Variants in C16orf96 observed in about 807,000 individuals in gnomAD.
C16orf96 encodes the protein uncharacterized protein C16orf96.
A neutral mutation model predicts 103.6 loss-of-function variants in C16orf96; 108 were observed. The ratio of observed to expected loss-of-function variants is 1.04; its 90% CI spans 0.89 to 1.22. The LOEUF (loss-of-function observed/expected upper bound fraction) is 1.22. Ranked by LOEUF, C16orf96 falls within the 50% of genes most tolerant of loss-of-function variation. C16orf96 has a pLI of 0.00. For synonymous variants in C16orf96, 566 were observed against 593.5 expected, an observed-to-expected ratio of 0.95 and a Z score of 0.67; for missense variants, 1,586 against 1,464.2, an observed-to-expected ratio of 1.08 and a Z score of -1.36.
At chr16:4,591,173 C>A (rs1455169643) in intron 9 of C16orf96, among the ~76,000 whole-genome samples, 1 of 152,026 alleles carries the variant, frequency 6.6e-6, no homozygotes, top group African/African-American at 2.4e-5. Context: ...GGCAACAGAG[C>A]GAGACTCTGT....
At chr16:4,563,317 T>G (rs1405490188) in intron 1 of C16orf96, among the ~76,000 whole-genome samples, 1 of 152,120 alleles carries the variant, frequency 6.6e-6, no homozygotes, top group Non-Finnish European at 1.5e-5. Flanking sequence ...TGGCTCGATC[T>G]CAGCTCACTG....
intron 6 of C16orf96, among the ~76,000 whole-genome samples, 182 bp downstream of exon 6, chr16:4,579,207 G>A (rs931056314): frequency 6.6e-6 from 1 of 152,070 alleles, no homozygotes; most frequent in African/African-American, 2.4e-5. Context: ...GGTGCGGTGG[G>A]GGGGCCCAGC....
intron 9 of C16orf96, 45 bp downstream of exon 9, chr16:4,588,376 A>G: frequency 6.6e-7 from 1 of 1,516,710 alleles, no homozygotes; most frequent in African/African-American, 1.4e-5. Flanking sequence ...TAACAAATTA[A>G]CCCAGAACTT....
intron 7 of C16orf96, among the ~76,000 whole-genome samples, chr16:4,581,589 C>T (rs997502645): frequency 7.9e-5 from 12 of 151,892 alleles, no homozygotes; most frequent in Non-Finnish European, 1.6e-4. Context: ...GCCGAGATCC[C>T]ACCACTGCAC....
At chr16:4,586,966 T>C (rs903193205) in intron 7 of C16orf96, 73 bp from the exon 8 acceptor site, 1 of 1,341,648 alleles carries the variant, frequency 7.5e-7, no homozygotes, top group Non-Finnish European at 1.0e-6. Context: ...ATGGTAATGG[T>C]AGAGGTGGGA....
At chr16:4,591,909 G>A in intron 10 of C16orf96, 125 bp downstream of exon 10, 1 of 792,132 alleles carries the variant, frequency 1.3e-6, no homozygotes, top group Non-Finnish European at 2.1e-6. Context: ...CTTGGCTGTG[G>A]CTGAAAGCAC....
the C16orf96 span, among the ~76,000 whole-genome samples, chr16:4,549,257 A>G: frequency 6.6e-5 from 10 of 151,964 alleles, no homozygotes; most frequent in South Asian, 8.3e-4. Context: ...GGTGGATCAC[A>G]AGGTCAGGAG....
rs535481087 is a variant in C16orf96, at chr16:4,588,271, G to C, written c.2532G>C (p.Thr844=). Reference sequence around the variant, plus strand: ...TTCAGGGCATACTCTTCAAGGTCACGATCCATGAGGACAGCTGGAAGAAGG... The same window carrying C: ...TTCAGGGCATACTCTTCAAGGTCACCATCCATGAGGACAGCTGGAAGAAGG... ...EMIQGILFKV[T]IHEDSWKKAM... The change falls in exon 9 of 16, where the codon ACG becomes ACC. Residue 844 remains threonine, a synonymous_variant. Coordinates refer to ENST00000444310, the MANE Select transcript of C16orf96 (RefSeq NM_001145011.2). 23 of 1,551,600 alleles carry C rather than the reference G, an allele frequency of 1.5e-5. No homozygotes were observed. The African/African-American group carries it at 3.0e-4, about 20-fold the overall frequency.
At chr16:4,541,392 G>T in the C16orf96 span, among the ~76,000 whole-genome samples, 1 of 152,148 alleles carries the variant, frequency 6.6e-6, no homozygotes, top group Non-Finnish European at 1.5e-5. Context: ...TAACGATCCT[G>T]CACATTCTCC....
chr16:4,599,734 A>T (rs1287556581), intron 15 of C16orf96, among the ~76,000 whole-genome samples: 1 of 152,234 alleles, frequency 6.6e-6, no homozygotes, highest in African/African-American at 2.4e-5. Context: ...CCTGTGAGGC[A>T]GGCACTGTTT....
In C16orf96 at chr16:4,593,210, T is replaced by G. The variant is rs1425383351; in HGVS notation, c.2775-14T>G. 6 of 1,550,350 alleles carry G rather than the reference T, an allele frequency of 3.9e-6. No homozygotes were observed. Among genetic ancestry groups the G allele is most frequent in the African/African-American group, 2.7e-5 (2 of 72,996 alleles). On this transcript the variant is annotated splice_polypyrimidine_tract_variant and intron_variant, in intron 11 of 15. Transcript: ENST00000444310. This position sits in a 1 kb window ranked among gnomAD's most constrained non-coding sequence, Gnocchi z 4.2. Reference sequence around the variant, plus strand: ...GCCTCCCACAGCCCCTGCTGTGCCCTTGTCCTCCAACAGACAGCTGATCAC... The same window carrying G: ...GCCTCCCACAGCCCCTGCTGTGCCCGTGTCCTCCAACAGACAGCTGATCAC...
chr16:4,583,190 A>G (rs1412529491), intron 7 of C16orf96, among the ~76,000 whole-genome samples: 2 of 147,486 alleles, frequency 1.4e-5, no homozygotes, highest in African/African-American at 5.1e-5. Flanking sequence ...GTGAGCCGAG[A>G]TTGTGTCATT....
the C16orf96 span, among the ~76,000 whole-genome samples, chr16:4,545,952 C>T: frequency 9.2e-5 from 14 of 151,930 alleles, no homozygotes; most frequent in Middle Eastern, 3.4e-3. Flanking sequence ...CAGGTTCAAG[C>T]GATTCTCCCG....
the C16orf96 span, among the ~76,000 whole-genome samples, chr16:4,539,212 C>T: frequency 6.6e-6 from 1 of 152,180 alleles, no homozygotes; most frequent in African/African-American, 2.4e-5. Flanking sequence ...TTGCTTCTAA[C>T]CTCCAGGTTG....
chr16:4,591,690 T>C lies in C16orf96; in HGVS notation c.2617T>C (p.Leu873=), dbSNP rs1005789859. The change falls in exon 10 of 16, where the codon TTG becomes CTG. Residue 873 remains leucine, a synonymous_variant. Transcript: ENST00000444310. The part of the protein sequence containing the change: ...TKLVHSDLDP[L]KKEMEEVWKI... ...GTTAGTCCACAGTGATCTGGATCCC[T>C]TGAAGAAAGAAATGGAAGAGGTCTG... is the stretch of plus-strand genomic sequence containing the variant. The C allele has an allele frequency of 6.4e-7, 1 of 1,551,638 alleles. No homozygotes were observed. The highest frequency in any genetic ancestry group is 8.7e-7 in the Non-Finnish European group (1 of 1,146,944).
rs1394579605 is a variant in C16orf96, at chr16:4,575,414, C to G, written c.934C>G (p.Leu312Val). 6.5e-7 allele frequency: 1 copy of G among 1,550,282 alleles called. No homozygotes were observed. The highest frequency in any genetic ancestry group is 2.0e-5 in the Admixed American group (1 of 51,000). ...RAQEPAQPPA[L>V]TPESAPGCTT... ...CCAGGAGCCAGCGCAGCCTCCGGCC[C>G]TCACGCCTGAGTCTGCACCTGGGTG... The change falls in exon 5 of 16, where the codon CTC (leucine) becomes GTC (valine). Residue 312 changes from leucine (L) to valine (V), a missense_variant. Leu to Val is a conservative substitution (Grantham distance 32). Coordinates refer to ENST00000444310, the MANE Select transcript of C16orf96 (RefSeq NM_001145011.2).
At chr16:4,553,668 T>G (rs1032915871), upstream of C16orf96, among the ~76,000 whole-genome samples, 1 of 152,004 alleles carries the variant, frequency 6.6e-6, no homozygotes, top group African/African-American at 2.4e-5. Context: ...AGAGATGGTG[T>G]CTTGCTATGT....
At chr16:4,589,621 C>T (rs901651960) in intron 9 of C16orf96, among the ~76,000 whole-genome samples, 3 of 150,910 alleles carry the variant, frequency 2.0e-5, no homozygotes, top group African/African-American at 2.4e-5. Flanking sequence ...AAAAAATGGG[C>T]GCAGAACAAC....
chr16:4,547,685 C>CTTTCT, the C16orf96 span, among the ~76,000 whole-genome samples: 12 of 107,738 alleles, frequency 1.1e-4, no homozygotes, highest in African/African-American at 6.6e-4. Context: ...TCCTTCCTTC[C>CTTTCT]TTCCTTCTTT....
Sources: allele counts gnomAD v4.1 joint callset (sites outside exome capture counted in the v4.1 genomes callset), GRCh38; gene constraint gnomAD v4.1.1; non-coding constraint Gnocchi (gnomAD v3.1); transcripts MANE v1.5; gene names NCBI Gene and HGNC (gene_info 2026-07-23, HGNC 2026-07-21).